The following LRMDA variants were observed in gnomAD, a reference collection of about 807,000 sequenced individuals.
LRMDA encodes leucine rich melanocyte differentiation associated, also known as leucine-rich melanocyte differentiation-associated protein.
LRMDA carries 18 observed loss-of-function variants against 29.8 expected under a neutral mutation model. The ratio of observed to expected loss-of-function variants is 0.60; its 90% CI spans 0.42 to 0.90. The LOEUF (loss-of-function observed/expected upper bound fraction) is 0.90. LRMDA is among the 40% of genes least tolerant of loss of function. The probability of loss-of-function intolerance (pLI) is 0.00; values close to 1 mark genes in which losing one functional copy is unlikely to be tolerated. For synonymous variants in LRMDA, 125 were observed against 109.4 expected (o/e 1.14, Z -0.89); for missense variants, 273 against 273.9 (o/e 1.00, Z 0.02).
chr10:76,312,045 C>T (rs1840636083), intron 5 of LRMDA, among the ~76,000 whole-genome samples: 2 of 152,176 alleles, frequency 1.3e-5, no homozygotes, highest in South Asian at 4.1e-4. Flanking sequence ...AATCCCAGGC[C>T]TCCTGATTTC....
intron 6 of LRMDA, among the ~76,000 whole-genome samples, chr10:76,533,469 GT>G (rs916065997): frequency 6.6e-6 from 1 of 152,096 alleles, no homozygotes; most frequent in African/African-American, 2.4e-5. Context: ...ATTGTTGCTG[GT>G]TTCTTTTGCT....
chr10:76,141,199 A>G (rs1395322556), intron 5 of LRMDA, among the ~76,000 whole-genome samples: 2 of 152,060 alleles, frequency 1.3e-5, no homozygotes, highest in Non-Finnish European at 2.9e-5. Flanking sequence ...TATATCACAC[A>G]TGTTAATAAG....
At chr10:75,523,332 G>A (rs1845382408) in intron 2 of LRMDA, among the ~76,000 whole-genome samples, 1 of 152,172 alleles carries the variant, frequency 6.6e-6, no homozygotes, top group African/African-American at 2.4e-5. Flanking sequence ...TAACTACATG[G>A]TGGCTTATGT....
At chr10:76,551,218 AAAC>A (rs1843490547) in intron 6 of LRMDA, among the ~76,000 whole-genome samples, 1 of 152,178 alleles carries the variant, frequency 6.6e-6, no homozygotes, top group African/African-American at 2.4e-5. Flanking sequence ...TTTGGGGTAA[AAAC>A]ACCACCACGA....
chr10:76,407,223 G>T (rs1421976213), intron 6 of LRMDA, among the ~76,000 whole-genome samples: 1 of 152,180 alleles, frequency 6.6e-6, no homozygotes, highest in Admixed American at 6.5e-5. Context: ...CAAAGTTGCG[G>T]ATATGTCTTA....
At chr10:76,107,437 G>A (rs1018902275) in intron 5 of LRMDA, among the ~76,000 whole-genome samples, 1 of 152,192 alleles carries the variant, frequency 6.6e-6, no homozygotes, top group Admixed American at 6.5e-5. Flanking sequence ...CTTAGTCTTG[G>A]CCTCAGTCCT....
chr10:76,459,674 G>A (rs753521176), intron 6 of LRMDA, among the ~76,000 whole-genome samples: 26 of 152,326 alleles, frequency 1.7e-4, no homozygotes, highest in Non-Finnish European at 3.5e-4. Flanking sequence ...TATAGGATGA[G>A]CATCAGAGAT....
chr10:75,449,988 T>C (rs931551820), intron 2 of LRMDA: 7 of 152,202 alleles, frequency 4.6e-5, no homozygotes, highest in African/African-American at 1.4e-4. Context: ...GAAAGGCCTC[T>C]TTCCTCTCCT....
At chr10:76,254,414 C>CTATGCTATGT (rs1852551731) in intron 5 of LRMDA, among the ~76,000 whole-genome samples, 1 of 151,630 alleles carries the variant, frequency 6.6e-6, no homozygotes, top group Non-Finnish European at 1.5e-5. Flanking sequence ...CTATGCTATG[C>CTATGCTATGT]TATACTATAC....
At chr10:76,524,526 C>T (rs1330757008) in intron 6 of LRMDA, among the ~76,000 whole-genome samples, 1 of 152,162 alleles carries the variant, frequency 6.6e-6, no homozygotes, top group African/African-American at 2.4e-5. Context: ...AAACTCTTTA[C>T]CAGGTCATAT....
At chr10:76,428,199 C>A (rs919917240) in intron 6 of LRMDA, among the ~76,000 whole-genome samples, 4 of 152,114 alleles carry the variant, frequency 2.6e-5, no homozygotes, top group Admixed American at 2.6e-4. Flanking sequence ...GTCTTTAGTG[C>A]TTTCTTCTAC....
intron 5 of LRMDA, among the ~76,000 whole-genome samples, chr10:76,157,125 C>T (rs1850552323): frequency 6.6e-6 from 1 of 152,090 alleles, no homozygotes; most frequent in South Asian, 2.1e-4. Flanking sequence ...GAGTTAGTTG[C>T]TAAGTCCTAA....
chr10:75,952,033 G>C (rs1221520985), intron 2 of LRMDA, among the ~76,000 whole-genome samples: 1 of 152,120 alleles, frequency 6.6e-6, no homozygotes, highest in African/African-American at 2.4e-5. Flanking sequence ...ATAGCTCCTG[G>C]GAAGAGGAAA....
chr10:75,637,842 G>T (rs1841406605), intron 2 of LRMDA, among the ~76,000 whole-genome samples: 1 of 152,162 alleles, frequency 6.6e-6, no homozygotes, highest in Non-Finnish European at 1.5e-5. Flanking sequence ...TGTCAGCCCG[G>T]CTGGCAGGAA....
chr10:75,625,409 G>T (rs558902713), intron 2 of LRMDA, among the ~76,000 whole-genome samples: 2 of 152,262 alleles, frequency 1.3e-5, no homozygotes, highest in Non-Finnish European at 2.9e-5. Flanking sequence ...CCGAGAGTCC[G>T]TTTCTGTCTT....
intron 6 of LRMDA, among the ~76,000 whole-genome samples, chr10:76,407,345 A>G (rs1053452713): frequency 1.3e-5 from 2 of 152,190 alleles, no homozygotes; most frequent in African/African-American, 2.4e-5. Context: ...TGTTTCATTG[A>G]TTCTCTCATT....
At chr10:76,083,825 C>T (rs543285807) in intron 5 of LRMDA, among the ~76,000 whole-genome samples, 11 of 131,510 alleles carry the variant, frequency 8.4e-5, no homozygotes, top group Non-Finnish European at 1.8e-4. Flanking sequence ...CAGAGCTAGA[C>T]TGCATCTCAA....
intron 5 of LRMDA, among the ~76,000 whole-genome samples, chr10:76,305,865 A>G (rs1840548772): frequency 6.6e-6 from 1 of 152,208 alleles, no homozygotes; most frequent in Non-Finnish European, 1.5e-5. Flanking sequence ...GGCTCTGTGA[A>G]TAATTTACAG....
At chr10:75,504,415 G>A (rs1845148944) in intron 2 of LRMDA, among the ~76,000 whole-genome samples, 3 of 152,176 alleles carry the variant, frequency 2.0e-5, no homozygotes, top group Non-Finnish European at 4.4e-5. Context: ...TTGGGGGGAT[G>A]GGGCAGGGAG....
Sources: allele counts gnomAD v4.1 joint callset (sites outside exome capture counted in the v4.1 genomes callset), GRCh38; gene constraint gnomAD v4.1.1; transcripts MANE v1.5; gene names NCBI Gene and HGNC (gene_info 2026-07-23, HGNC 2026-07-21).